ZNF7: variants seen among roughly 807,000 people sequenced by gnomAD.
ZNF7 encodes the protein C2-H2 type zinc finger protein.
ZNF7 carries 10 observed loss-of-function variants against 12.0 expected under a neutral mutation model. The ratio of observed to expected loss-of-function variants is 0.83; its 90% CI spans 0.51 to 1.42. The LOEUF (loss-of-function observed/expected upper bound fraction) is 1.42, where lower values mean the gene tolerates loss of function less well. ZNF7 is among the 40% of genes most tolerant of loss of function. The pLI, the probability that ZNF7 is intolerant of heterozygous loss-of-function variation, is 0.00. For synonymous variants in ZNF7, 334 were observed against 295.0 expected (o/e 1.13, Z -1.35); for missense variants, 854 against 837.2 (o/e 1.02, Z -0.25).
rs748285181 is a variant in ZNF7 at position 144,841,725 on chromosome 8, A to T, written c.618A>T (p.Arg206Ser). 1 of 1,614,172 alleles carries T rather than the reference A, an allele frequency of 6.2e-7. No individual in the cohort carries two copies. The highest frequency in any genetic ancestry group is 8.5e-7 in the Non-Finnish European group (1 of 1,180,036). Residue 206 changes from arginine (R) to serine (S), a missense_variant, in exon 5 of 5, where the codon AGA becomes AGT. Transcript: ENST00000532777. ...QRCEECGKGIRATSDIALHWE... is the reference protein window; with the variant it reads ...QRCEECGKGISATSDIALHWE... ...GCGAGGAGTGTGGCAAAGGCATCAGAGCCACTTCAGATATCGCTCTGCATT... is the reference window on the plus strand; with the variant it reads ...GCGAGGAGTGTGGCAAAGGCATCAGTGCCACTTCAGATATCGCTCTGCATT...
Position 144,839,787 on chromosome 8 carries a change from AAGATATTGGCCCAGAGC to A in ZNF7, c.248-1565_248-1549del, listed in dbSNP as rs925046747. Among the ~76,000 whole-genome samples the A allele has an allele frequency of 1.6e-4, 24 of 152,320 alleles. No individual in the cohort carries two copies. In the East Asian group the frequency reaches 4.2e-3, roughly 27 times the overall value. The stretch of plus-strand genomic sequence containing the variant: ...TGGTACAGTCAGCATCAGATACTGA[AAGATATTGGCCCAGAGC>A]AGTGGAGGAGCGGCCAGGTCCCAGC... On this transcript the variant is annotated intron_variant, in intron 4 of 4. Coordinates refer to ENST00000532777, the MANE Select transcript of ZNF7 (RefSeq NM_003416.4).
At chr8:144,841,058 C>T (rs1829837577) in intron 4 of ZNF7, 1 of 357,702 alleles carries the variant, frequency 2.8e-6, no homozygotes, top group South Asian at 4.6e-5. Context: ...TCCTTTGCCT[C>T]TGCATGGACT....
intron 3 of ZNF7, among the ~76,000 whole-genome samples, chr8:144,832,716 A>G (rs1828583353): frequency 6.6e-6 from 1 of 152,194 alleles, no homozygotes; most frequent in East Asian, 1.9e-4. Flanking sequence ...TGACAGAGTG[A>G]GACTCCGTCT....
intron 4 of ZNF7, chr8:144,838,949 A>AAG (rs1214970621): frequency 6.6e-6 from 1 of 151,890 alleles, no homozygotes; most frequent in African/African-American, 2.4e-5. Flanking sequence ...CTCAAAAAAA[A>AAG]AAAAAAAAAA....
rs2130591820 is a variant in ZNF7 at position 144,834,831 on chromosome 8, C to T, written c.131-2560C>T. ...TCTCGGCTCACTGCAAGCTCCGCCT[C>T]CCAGGTTCACGCCATTCTCCTGCCT... On this transcript the variant is annotated intron_variant, in intron 3 of 4. Transcript: ENST00000532777. The T allele has an allele frequency of 2.0e-5, 3 of 151,584 alleles. No individual in the cohort carries two copies. The South Asian group carries it at 6.2e-4, about 32-fold the overall frequency. The allele number at this position is 151,584 out of a possible 1,614,324, so 9.4% of individuals were successfully genotyped here.
chr8:144,838,214 T>C (rs1479323506), intron 4 of ZNF7: 9 of 694,522 alleles, frequency 1.3e-5, no homozygotes, highest in Non-Finnish European at 2.4e-5. Context: ...TCTGTGTTCA[T>C]GTGGCCATCT....
downstream of ZNF7, among the ~76,000 whole-genome samples, chr8:144,844,246 C>A (rs571726414): frequency 1.3e-5 from 2 of 152,150 alleles, no homozygotes; most frequent in African/African-American, 4.8e-5. Flanking sequence ...TGTCAGAGAA[C>A]GAGCACTCAA....
chr8:144,846,245 G>A (rs1830506066), downstream of ZNF7: 1 of 1,462,776 alleles, frequency 6.8e-7, no homozygotes, highest in African/African-American at 1.4e-5. Context: ...GCCAAAAAGG[G>A]GCTGGGGTGC....
intron 4 of ZNF7, chr8:144,837,967 G>A (rs1829236391): frequency 3.0e-6 from 2 of 670,044 alleles, no homozygotes; most frequent in Non-Finnish European, 5.5e-6. Flanking sequence ...ATGAACCACA[G>A]ACTAGGAAGC....
At chr8:144,846,045 T>G (rs976053550), downstream of ZNF7, 2 of 1,536,502 alleles carry the variant, frequency 1.3e-6, no homozygotes, top group African/African-American at 2.7e-5. Context: ...GCAACTCCTG[T>G]TCCTGGCCTT....
chr8:144,829,096 A>G lies in ZNF7; in HGVS notation c.3+6A>G, dbSNP rs1369679235. The G allele has an allele frequency of 1.2e-6, 2 of 1,614,036 alleles. No homozygotes were observed. The highest frequency in any genetic ancestry group is 1.1e-5 in the South Asian group (1 of 91,040). ...ACCCACCACTGAGCCTCATGGTAGG[A>G]AGCTTGACTGCCTCCTTCCCCTCGC... On this transcript the variant is annotated splice_donor_region_variant and intron_variant, in intron 2 of 4. Coordinates refer to ENST00000532777, the MANE Select transcript of ZNF7 (RefSeq NM_003416.4).
chr8:144,841,407 A>G lies in ZNF7; in HGVS notation c.300A>G (p.Leu100=). 6.2e-7 allele frequency: 1 copy of G among 1,613,700 alleles called. No homozygotes were observed. ...AGGCCTGTGAGGACATGGACATCCT[A>G]AAATCAGAATCCTATGGGACAGTGG... ...NEQACEDMDI[L]KSESYGTVVR... The change falls in exon 5 of 5, where the codon CTA becomes CTG. Residue 100 remains leucine, a synonymous_variant. Transcript: ENST00000532777.
At chr8:144,834,458 C>A (rs139755379) in intron 3 of ZNF7, 1 of 152,160 alleles carries the variant, frequency 6.6e-6, no homozygotes, top group Non-Finnish European at 1.5e-5. Context: ...GGGAATGCAT[C>A]TACATAACCA....
At chr8:144,838,100 C>G (rs561748176) in intron 4 of ZNF7, 1 of 702,860 alleles carries the variant, frequency 1.4e-6, no homozygotes, top group African/African-American at 1.7e-5. Flanking sequence ...CCTGCCTCTC[C>G]GGGCAGCTGG....
rs1279308939 is a variant in ZNF7 at position 144,843,173 on chromosome 8, C to T, written c.*5C>T. 6.4e-7 allele frequency: 1 copy of T among 1,564,074 alleles called. No individual in the cohort carries two copies. The highest frequency in any genetic ancestry group is 1.2e-5 in the South Asian group (1 of 82,030). ...CAAAAAATTCACATGGGATAGACCA[C>T]TTACATATAAATGTGTATATATGTG... is the stretch of plus-strand genomic sequence containing the variant. On this transcript the variant is annotated 3_prime_UTR_variant, in exon 5 of 5. Coordinates refer to ENST00000532777, the MANE Select transcript of ZNF7 (RefSeq NM_003416.4).
chr8:144,834,848 C>G (rs1465435485), intron 3 of ZNF7: 2 of 151,296 alleles, frequency 1.3e-5, no homozygotes, highest in African/African-American at 4.9e-5. Context: ...TCACGCCATT[C>G]TCCTGCCTCA....
rs372752942 is a variant in ZNF7, at chr8:144,841,895, C to T, written c.788C>T (p.Ser263Leu). The T allele has an allele frequency of 2.1e-5, 34 of 1,613,924 alleles. No individual in the cohort carries two copies. The highest frequency in any genetic ancestry group is 4.5e-5 in the East Asian group (2 of 44,890). Residue 263 changes from serine to leucine, a missense_variant, in exon 5 of 5, where the codon TCG (serine) becomes TTG (leucine). Coordinates refer to ENST00000532777, the MANE Select transcript of ZNF7 (RefSeq NM_003416.4). ...TGTGGGAAAGTCTTCAGGCTCTGCT[C>T]GCAGCTTAATCAGCATCAGAGAATC... ...AECGKVFRLC[S>L]QLNQHQRIHT...
Position 144,837,559 on chromosome 8 carries a change from G to A in ZNF7, c.247+52G>A, listed in dbSNP as rs112788690. The A allele has an allele frequency of 1.4e-3, 1,916 of 1,411,448 alleles. 19 individuals are homozygous for A. The African/African-American group carries it at 0.025, about 18-fold the overall frequency. 87.4% of individuals were successfully genotyped at this position (1,411,448 alleles called of 1,614,324 possible). A position where few individuals can be genotyped will look rare whatever the true frequency, so the allele number is the denominator to read the frequency against. ...AGCCCTGGGGTGAGGAGAAACTGCA[G>A]GAGGGGCCTCACAACTGTGGGTAGC... On this transcript the variant is annotated intron_variant, in intron 4 of 4. Coordinates refer to ENST00000532777, the MANE Select transcript of ZNF7 (RefSeq NM_003416.4).
At chr8:144,846,183 T>C (rs920478874), downstream of ZNF7, 17 of 1,535,850 alleles carry the variant, frequency 1.1e-5, no homozygotes, top group African/African-American at 2.7e-5. Flanking sequence ...GTCTGAAAAT[T>C]CCAGATTCTG....
Sources: allele counts gnomAD v4.1 joint callset (sites outside exome capture counted in the v4.1 genomes callset), GRCh38; gene constraint gnomAD v4.1.1; transcripts MANE v1.5; gene names NCBI Gene and HGNC (gene_info 2026-07-23, HGNC 2026-07-21).